SYCP1: variants seen among roughly 807,000 people sequenced by gnomAD.
SYCP1 encodes the protein synaptonemal complex protein 1.
A neutral mutation model predicts 153.1 loss-of-function variants in SYCP1; 64 were observed. That is an observed-to-expected ratio of 0.42 (90% CI 0.34 to 0.51). The LOEUF is 0.51. SYCP1 is among the 20% of genes least tolerant of loss of function. SYCP1 has a pLI of 0.06. For missense variants in SYCP1, 997 were observed against 1,049.0 expected (o/e 0.95, Z 0.68); for synonymous variants, 384 against 341.8 (o/e 1.12, Z -1.36).
At chr1:114,861,297 T>C (rs957687320) in intron 8 of SYCP1, among the ~76,000 whole-genome samples, 3 of 152,160 alleles carry the variant, frequency 2.0e-5, no homozygotes, top group Non-Finnish European at 2.9e-5. Flanking sequence ...GAAAGAACAG[T>C]TTAAAAATTT....
chr1:114,927,508 T>G (rs1247023921), intron 23 of SYCP1, among the ~76,000 whole-genome samples: 1 of 152,172 alleles, frequency 6.6e-6, no homozygotes, highest in East Asian at 1.9e-4. Context: ...AATGAAAGAC[T>G]AGATGGGGAA....
At chr1:114,963,485 A>G (rs1032472110) in intron 27 of SYCP1, among the ~76,000 whole-genome samples, 10 of 152,134 alleles carry the variant, frequency 6.6e-5, no homozygotes, top group African/African-American at 2.4e-4. Context: ...CCAATCTATC[A>G]TCTACATTAG....
intron 22 of SYCP1, 38 bp from the exon 23 acceptor site, chr1:114,926,463 A>T: frequency 6.6e-7 from 1 of 1,507,434 alleles, no homozygotes; most frequent in Non-Finnish European, 8.9e-7. Flanking sequence ...AGTTTGAATA[A>T]CTTTAGTACT....
intron 27 of SYCP1, among the ~76,000 whole-genome samples, chr1:114,957,378 C>T (rs570013988): frequency 2.3e-4 from 35 of 152,074 alleles, no homozygotes; most frequent in Admixed American, 1.3e-3. Context: ...GGCATTGGTC[C>T]GGTCAAAGAT....
rs375436670 is a variant in SYCP1 at position 114,881,056 on chromosome 1, T to TATATATACACACACACAC, written c.910+2855_910+2856insTATATACACACACACACA. On this transcript the variant is annotated intron_variant, in intron 12 of 31. Coordinates refer to ENST00000369522, the MANE Select transcript of SYCP1 (RefSeq NM_003176.4). ...TGAACAGTATTCCAATTTGTGTATA[T>TATATATACACACACACAC]ACACACACACACACACACACACACA... 1.2e-4 allele frequency among the ~76,000 whole-genome samples: 17 copies of TATATATACACACACACAC among 144,940 alleles called. 1 individual carries two copies. Among genetic ancestry groups the TATATATACACACACACAC allele is most frequent in the African/African-American group, 4.5e-4 (17 of 38,156 alleles).
chr1:114,924,660 AG>A (rs1374303677), intron 21 of SYCP1, among the ~76,000 whole-genome samples: 1 of 152,156 alleles, frequency 6.6e-6, no homozygotes, highest in African/African-American at 2.4e-5. Flanking sequence ...AAAGTATCAG[AG>A]CATGGCATAT....
intron 12 of SYCP1, among the ~76,000 whole-genome samples, chr1:114,884,063 T>C (rs1304576456): frequency 6.6e-6 from 1 of 152,228 alleles, no homozygotes; most frequent in African/African-American, 2.4e-5. Flanking sequence ...TTTTTCAGAA[T>C]GGAATTTTAA....
In SYCP1 at chr1:114,860,796, A is replaced by G; in HGVS notation, c.585A>G (p.Glu195=). 1 of 1,588,032 alleles carries G rather than the reference A, an allele frequency of 6.3e-7. No homozygotes were observed. Among genetic ancestry groups the G allele is most frequent in the African/African-American group, 1.4e-5 (1 of 73,748 alleles). Residue 195 remains glutamate, a synonymous_variant, in exon 8 of 32, where the codon GAA becomes GAG. Transcript: ENST00000369522. The part of the protein sequence containing the change: ...LLKETCARSA[E]KTKKYEYERE... ...AAGAAACCTGTGCTAGATCTGCAGA[A>G]AAGACAAAGAAATGTAAATATCTTT... is the stretch of plus-strand genomic sequence containing the variant.
chr1:114,966,336 C>T (rs554165531), intron 27 of SYCP1, among the ~76,000 whole-genome samples: 4 of 152,094 alleles, frequency 2.6e-5, no homozygotes, highest in Admixed American at 6.5e-5. Context: ...TTTCATGTCT[C>T]GATGTCCTTC....
At position 114,955,154 on chromosome 1, in the gene SYCP1, G is replaced by C. The variant is rs918885637; in HGVS notation, c.2322+7834G>C. On this transcript the variant is annotated intron_variant, in intron 27 of 31. Coordinates refer to ENST00000369522, the MANE Select transcript of SYCP1 (RefSeq NM_003176.4). ...ATCAGATGCTTTTTCTGCATTGATT[G>C]ATATTATCATATTATTTTTCTTTTT... Among the ~76,000 whole-genome samples, 5 of 152,244 alleles carry C rather than the reference G, an allele frequency of 3.3e-5. No individual in the cohort carries two copies. In the South Asian group the frequency reaches 1.0e-3, roughly 32 times the overall value.
At chr1:114,902,872 T>C (rs1371702904) in intron 16 of SYCP1, among the ~76,000 whole-genome samples, 2 of 152,184 alleles carry the variant, frequency 1.3e-5, no homozygotes, top group Admixed American at 6.5e-5. Context: ...CACTTACTCA[T>C]TTAACAAACA....
chr1:114,949,767 T>TCA (rs1015249811), intron 27 of SYCP1, among the ~76,000 whole-genome samples: 2 of 152,228 alleles, frequency 1.3e-5, no homozygotes, highest in African/African-American at 4.8e-5. Flanking sequence ...TCTTATCTCC[T>TCA]CACCTATTAC....
chr1:114,971,063 A>G (rs949513297), intron 27 of SYCP1, among the ~76,000 whole-genome samples: 22 of 152,164 alleles, frequency 1.4e-4, no homozygotes, highest in African/African-American at 5.1e-4. Flanking sequence ...TGTTGTCTTT[A>G]AGAGAGCAAC....
chr1:114,883,446 G>A (rs1209853802), intron 12 of SYCP1, among the ~76,000 whole-genome samples: 1 of 152,124 alleles, frequency 6.6e-6, no homozygotes, highest in African/African-American at 2.4e-5. Context: ...TGATTGTGAG[G>A]TCATGTAACT....
intron 14 of SYCP1, among the ~76,000 whole-genome samples, chr1:114,887,020 A>G (rs986902179): frequency 6.6e-5 from 10 of 152,082 alleles, no homozygotes; most frequent in African/African-American, 2.2e-4. Flanking sequence ...ATAAAGGAGA[A>G]CAGGTTTCTC....
At chr1:114,961,084 G>T (rs1178171857) in intron 27 of SYCP1, among the ~76,000 whole-genome samples, 1 of 152,086 alleles carries the variant, frequency 6.6e-6, no homozygotes, top group Non-Finnish European at 1.5e-5. Context: ...ATCTAGGAGG[G>T]TTGTATATTT....
intron 8 of SYCP1, among the ~76,000 whole-genome samples, chr1:114,862,288 T>A (rs1472766550): frequency 6.6e-6 from 1 of 152,084 alleles, no homozygotes; most frequent in African/African-American, 2.4e-5. Context: ...GATAGTACAT[T>A]GGCTGTCTTG....
chr1:114,907,930 A>T (rs1570747138), intron 16 of SYCP1, among the ~76,000 whole-genome samples: 1 of 152,148 alleles, frequency 6.6e-6, no homozygotes, highest in African/African-American at 2.4e-5. Flanking sequence ...AGACAGTGCT[A>T]TAATTTTTGC....
chr1:114,895,692 C>T lies in SYCP1; in HGVS notation c.1320+183C>T, dbSNP rs74509190. On this transcript the variant is annotated intron_variant, in intron 16 of 31. Transcript: ENST00000369522. ...GACCAATTTTTATATACCTTGTTAA[C>T]TGTCTTCATCAAGCTGTTTATATCA... is the stretch of plus-strand genomic sequence containing the variant. Among the ~76,000 whole-genome samples the T allele has an allele frequency of 8.2e-4, 125 of 152,098 alleles. No individual in the cohort carries two copies. In the East Asian group the frequency reaches 0.016, roughly 19 times the overall value.
Sources: gnomAD v4.1 joint callset for allele counts (sites outside exome capture counted in the v4.1 genomes callset) on GRCh38, gnomAD v4.1.1 for gene constraint, MANE v1.5 for transcripts, NCBI Gene and HGNC (gene_info 2026-07-23, HGNC 2026-07-21) for gene names.